ADRA1A: variants seen among roughly 807,000 people sequenced by gnomAD.
The protein encoded by ADRA1A is alpha-1A adrenergic receptor.
Under a neutral mutation model 29.6 loss-of-function variants are expected in ADRA1A, and 31 were observed. The observed-to-expected ratio is 1.05, with a 90% CI of 0.79 to 1.41. The LOEUF is 1.41. ADRA1A is among the 40% of genes most tolerant of loss of function. The pLI, the probability that ADRA1A is intolerant of heterozygous loss-of-function variation, is 0.00. For synonymous variants in ADRA1A, 311 were observed against 254.3 expected (o/e 1.22, Z -2.12); for missense variants, 619 against 601.1 (o/e 1.03, Z -0.31).
At position 26,775,049 on chromosome 8, in the gene ADRA1A, GACCCAGTCACT is replaced by G; in HGVS notation, c.884-4394_884-4384del. ...GCCTGGTTCAGGGGTGGGTGCCTCT[GACCCAGTCACT>G]CTGTGGGGAAGTCCATTCGAGCAGC... On this transcript the variant is annotated intron_variant, in intron 2 of 2. Transcript: ENST00000380573. The surrounding 1 kb of genome is among the most constrained non-coding windows in gnomAD (Gnocchi z 4.1). Among the ~76,000 whole-genome samples the G allele has an allele frequency of 6.9e-6, 1 of 144,518 alleles. No individual in the cohort carries two copies. Among genetic ancestry groups the G allele is most frequent in the South Asian group, 2.2e-4 (1 of 4,448 alleles). 94.8% of individuals were successfully genotyped at this position (144,518 alleles called of 152,430 possible). A position where few individuals can be genotyped will look rare whatever the true frequency, so the allele number is the denominator to read the frequency against.
At chr8:26,765,884 G>A (rs17333700), downstream of ADRA1A, 3 of 1,418,970 alleles carry the variant, frequency 2.1e-6, no homozygotes, top group Non-Finnish European at 2.8e-6. Flanking sequence ...CAAGCAAATA[G>A]TTCCTAAAAT....
intron 2 of ADRA1A, among the ~76,000 whole-genome samples, chr8:26,782,930 C>CGTCCACTCTCCA (rs552954768): frequency 0.01 from 1,596 of 152,226 alleles, 27 homozygotes; most frequent in African/African-American, 0.037. Flanking sequence ...CATCCTCAAC[C>CGTCCACTCTCCA]GTCCACTCTC....
intron 2 of ADRA1A, among the ~76,000 whole-genome samples, chr8:26,839,813 T>C (rs1811685772): frequency 6.6e-6 from 1 of 151,686 alleles, no homozygotes; most frequent in African/African-American, 2.4e-5. Context: ...GAAGGGTGTG[T>C]GGGGAGGAAA....
chr8:26,758,303 A>G (rs1420591871), intron 2 of ADRA1A, among the ~76,000 whole-genome samples: 1 of 152,234 alleles, frequency 6.6e-6, no homozygotes, highest in East Asian at 1.9e-4. Context: ...TGTAAACCTG[A>G]AGTGAGATAA....
At chr8:26,786,745 G>C (rs1031281891) in intron 2 of ADRA1A, among the ~76,000 whole-genome samples, 3 of 46,522 alleles carry the variant, frequency 6.4e-5, no homozygotes, top group South Asian at 1.3e-3. Context: ...ATGCTGGGTT[G>C]GGGGGGGGGG....
chr8:26,839,457 C>T lies in ADRA1A; in HGVS notation c.883+24630G>A, dbSNP rs1166879125. On this transcript the variant is annotated intron_variant, in intron 2 of 2. Coordinates refer to ENST00000380573, the MANE Select transcript of ADRA1A (RefSeq NM_000680.4). ...ACAGGCGTGAGCCACCATGCCCGGC[C>T]TGAAGAAGTTTTTTGACTTCCTAAA... is the stretch of plus-strand genomic sequence containing the variant. Among the ~76,000 whole-genome samples the T allele has an allele frequency of 3.3e-5, 5 of 152,272 alleles. No individual in the cohort carries two copies. The East Asian group carries it at 9.7e-4, about 29-fold the overall frequency.
At chr8:26,801,966 CA>C (rs1278535342) in intron 2 of ADRA1A, among the ~76,000 whole-genome samples, 1 of 152,126 alleles carries the variant, frequency 6.6e-6, no homozygotes, top group Non-Finnish European at 1.5e-5. Flanking sequence ...TCATTTTTGA[CA>C]AAGGTGCCAC....
At position 26,823,405 on chromosome 8, in the gene ADRA1A, T is replaced by G. The variant is rs373017294; in HGVS notation, c.883+40682A>C. 1.8e-4 allele frequency among the ~76,000 whole-genome samples: 28 copies of G among 152,296 alleles called. No homozygotes were observed. The East Asian group carries it at 4.6e-3, about 25-fold the overall frequency. On this transcript the variant is annotated intron_variant, in intron 2 of 2. Transcript: ENST00000380573. This position sits in a 1 kb window ranked among gnomAD's most constrained non-coding sequence, Gnocchi z 4.2. The stretch of plus-strand genomic sequence containing the variant: ...GGGAATGCACACCAGTGTAATATCT[T>G]TGTCCCTGGTGAGCCGTATCTCTGA...
chr8:26,825,796 G>C lies in ADRA1A; in HGVS notation c.883+38291C>G, dbSNP rs112383591. ...TTGTATCCTGCGGGCATTCTGGTTC[G>C]ATACTAGGCACAGTGTTGATTGCCT... On this transcript the variant is annotated intron_variant, in intron 2 of 2. Transcript: ENST00000380573. The surrounding 1 kb of genome is among the most constrained non-coding windows in gnomAD (Gnocchi z 5.7). Among the ~76,000 whole-genome samples, 2 of 152,182 alleles carry C rather than the reference G, an allele frequency of 1.3e-5. No homozygotes were observed.
chr8:26,754,715 G>A (rs1207329496), downstream of ADRA1A, among the ~76,000 whole-genome samples: 3 of 152,092 alleles, frequency 2.0e-5, no homozygotes, highest in Non-Finnish European at 4.4e-5. Context: ...AATTTCACAG[G>A]CAAAATGAAC....
rs561265101 is a variant in ADRA1A, at chr8:26,855,495, A to G, written c.883+8592T>C. Among the ~76,000 whole-genome samples the G allele has an allele frequency of 2.0e-5, 3 of 152,268 alleles. No individual in the cohort carries two copies. In the East Asian group the frequency reaches 5.8e-4, roughly 29 times the overall value. On this transcript the variant is annotated intron_variant, in intron 2 of 2. Coordinates refer to ENST00000380573, the MANE Select transcript of ADRA1A (RefSeq NM_000680.4). ...GAAATTTCACAAGAGGAGAAATATA[A>G]GTGATGGATAAAAATATAAAAAGAA...
In ADRA1A at chr8:26,865,239, TG is replaced by T; in HGVS notation, c.-271del. 7 of 1,300,776 alleles carry T rather than the reference TG, an allele frequency of 5.4e-6. No homozygotes were observed. The highest frequency in any genetic ancestry group is 6.8e-6 in the Non-Finnish European group (7 of 1,024,332). The allele number at this position is 1,300,776 out of a possible 1,614,324, so 80.6% of individuals were successfully genotyped here. A position where few individuals can be genotyped will look rare whatever the true frequency, so the allele number is the denominator to read the frequency against. On this transcript the variant is annotated 5_prime_UTR_variant, in exon 2 of 3. Transcript: ENST00000380573. This position sits in a 1 kb window ranked among gnomAD's most constrained non-coding sequence, Gnocchi z 7.6. ...CGGGGACCCTCTCCACCTGCCGGGC[TG>T]GCCTAGCCCGGGACCCGGACTCCCT...
chr8:26,780,011 T>C (rs887780871), intron 2 of ADRA1A, among the ~76,000 whole-genome samples: 1 of 152,132 alleles, frequency 6.6e-6, no homozygotes, highest in Admixed American at 6.5e-5. Context: ...GGGCTCAGTA[T>C]TGTAGCTAAG....
At position 26,866,359 on chromosome 8, in the gene ADRA1A, C is replaced by T. The variant is rs1176662883; in HGVS notation, c.-687+577G>A. Among the ~76,000 whole-genome samples the T allele has an allele frequency of 6.6e-6, 1 of 152,170 alleles. No homozygotes were observed. Among genetic ancestry groups the T allele is most frequent in the African/African-American group, 2.4e-5 (1 of 41,454 alleles). ...GAGGGGCTCCAGCTGCCAGCCGTAG[C>T]GGGACTGGCGGGGGACGGGGTGGGG... On this transcript the variant is annotated intron_variant, in intron 1 of 2. Transcript: ENST00000380573. This position sits in a 1 kb window ranked among gnomAD's most constrained non-coding sequence, Gnocchi z 5.7.
chr8:26,832,683 T>C (rs764411996), intron 2 of ADRA1A, among the ~76,000 whole-genome samples: 2 of 152,046 alleles, frequency 1.3e-5, no homozygotes, highest in Non-Finnish European at 2.9e-5. Flanking sequence ...GGCAGGGAAG[T>C]AGACTGAGAA....
At chr8:26,757,011 A>T (rs1585624927) in intron 2 of ADRA1A, 1 of 718,750 alleles carries the variant, frequency 1.4e-6, no homozygotes, top group East Asian at 2.7e-5. Flanking sequence ...CTGTGAGATG[A>T]TGCTTTTGGT....
At chr8:26,819,167 T>C (rs1040780022) in intron 2 of ADRA1A, among the ~76,000 whole-genome samples, 1 of 152,124 alleles carries the variant, frequency 6.6e-6, no homozygotes, top group Non-Finnish European at 1.5e-5. Context: ...AGGGGAGTGA[T>C]ATATTAAAAA....
chr8:26,768,928 A>G lies in ADRA1A; in HGVS notation c.*1221T>C, dbSNP rs1805941184. The G allele has an allele frequency of 2.0e-6, 2 of 985,482 alleles. No individual in the cohort carries two copies. Among genetic ancestry groups the G allele is most frequent in the Non-Finnish European group, 1.2e-6 (1 of 829,934 alleles). 61.0% of individuals were successfully genotyped at this position (985,482 alleles called of 1,614,324 possible). A position where few individuals can be genotyped will look rare whatever the true frequency, so the allele number is the denominator to read the frequency against. Reference sequence around the variant, plus strand: ...AGTTGAGTTGACTACTGGATCTTTTACCAGAACAAATGGCCTTCTATCAAA... The same window carrying G: ...AGTTGAGTTGACTACTGGATCTTTTGCCAGAACAAATGGCCTTCTATCAAA... On this transcript the variant is annotated 3_prime_UTR_variant, in exon 3 of 3. Coordinates refer to ENST00000380573, the MANE Select transcript of ADRA1A (RefSeq NM_000680.4).
chr8:26,852,157 A>G (rs1812685020), intron 2 of ADRA1A, among the ~76,000 whole-genome samples: 1 of 152,202 alleles, frequency 6.6e-6, no homozygotes, highest in Admixed American at 6.5e-5. Context: ...TTTCCTGTCT[A>G]CACAGGACAA....
Sources: gnomAD v4.1 joint callset for allele counts (sites outside exome capture counted in the v4.1 genomes callset) on GRCh38, gnomAD v4.1.1 for gene constraint, Gnocchi (gnomAD v3.1) non-coding constraint, MANE v1.5 for transcripts, NCBI Gene and HGNC (gene_info 2026-07-23, HGNC 2026-07-21) for gene names.